ODAD2: variants seen among roughly 807,000 people sequenced by gnomAD.
ODAD2 encodes the protein outer dynein arm docking complex subunit 2, also known as outer dynein arm-docking complex subunit 2.
In ODAD2, 89 loss-of-function variants were observed where a neutral mutation model predicts 106.8. That is an observed-to-expected ratio of 0.83 (90% CI 0.70 to 0.99). The LOEUF is 0.99. ODAD2 is among the 50% of genes least tolerant of loss of function. The pLI is 0.00. For synonymous variants in ODAD2, 404 were observed against 436.2 expected (o/e 0.93, Z 0.92); for missense variants, 1,168 against 1,238.5 (o/e 0.94, Z 0.85).
chr10:27,903,529 A>G (rs1013924719), intron 17 of ODAD2, among the ~76,000 whole-genome samples: 3 of 120,704 alleles, frequency 2.5e-5, no homozygotes. Context: ...TGCAGATGGC[A>G]TGATTGTATA....
intron 16 of ODAD2, among the ~76,000 whole-genome samples, chr10:27,914,742 T>C (rs987332733): frequency 2.0e-5 from 3 of 152,024 alleles, no homozygotes; most frequent in Admixed American, 1.3e-4. Context: ...ACTTTATATA[T>C]GTATATAAAA....
chr10:27,908,519 AAACTT>A (rs886748015), intron 16 of ODAD2, among the ~76,000 whole-genome samples: 19 of 152,232 alleles, frequency 1.2e-4, no homozygotes, highest in Non-Finnish European at 2.4e-4. Flanking sequence ...AGGCCAAACA[AAACTT>A]AATAACCTTT....
chr10:27,966,766 C>A (rs1318515604), intron 9 of ODAD2, among the ~76,000 whole-genome samples: 1 of 152,150 alleles, frequency 6.6e-6, no homozygotes, highest in Admixed American at 6.5e-5. Context: ...TAAGCTAATT[C>A]ACTAAAAATT....
rs552984986 is a variant in ODAD2, at chr10:27,929,529, T to G, written c.2495+5481A>C. On this transcript the variant is annotated intron_variant, in intron 16 of 19. Coordinates refer to ENST00000305242, the MANE Select transcript of ODAD2 (RefSeq NM_018076.5). ...ATGAATTCAAAGGTTTCCACTGGTA[T>G]CTTTTAGCCATAGTTTTACTATTTT... Among the ~76,000 whole-genome samples, 30 of 152,322 alleles carry G rather than the reference T, an allele frequency of 2.0e-4. No individual in the cohort carries two copies. The South Asian group carries it at 5.8e-3, about 29-fold the overall frequency.
In ODAD2 at chr10:27,933,235, C is replaced by T. The variant is rs577942789; in HGVS notation, c.2495+1775G>A. On this transcript the variant is annotated intron_variant, in intron 16 of 19. Coordinates refer to ENST00000305242, the MANE Select transcript of ODAD2 (RefSeq NM_018076.5). ...ACTGTATTTCAGCCTGGGTGACAGC[C>T]TGAGTCCCTGTCTCTAAAAAACAAA... Among the ~76,000 whole-genome samples the T allele has an allele frequency of 2.6e-5, 4 of 152,158 alleles. No individual in the cohort carries two copies. In the East Asian group the frequency reaches 5.8e-4, roughly 22 times the overall value.
chr10:27,891,030 T>C (rs552925041), intron 17 of ODAD2, among the ~76,000 whole-genome samples: 11 of 152,322 alleles, frequency 7.2e-5, no homozygotes, highest in African/African-American at 2.6e-4. Context: ...CTTGTGTTTA[T>C]AGCAATATTC....
At chr10:27,965,306 A>C (rs527596889) in intron 9 of ODAD2, among the ~76,000 whole-genome samples, 29 of 152,346 alleles carry the variant, frequency 1.9e-4, no homozygotes, top group African/African-American at 6.3e-4. Flanking sequence ...CCCTGTGGTT[A>C]CACAGAGCCT....
chr10:27,881,952 G>A (rs930023977), intron 17 of ODAD2, among the ~76,000 whole-genome samples: 3 of 151,868 alleles, frequency 2.0e-5, no homozygotes, highest in African/African-American at 4.8e-5. Context: ...GATTGCTTGA[G>A]CCCAGAAGTT....
chr10:27,943,795 CAAAAAAAAAAAAAAA>C (rs56059926), intron 12 of ODAD2, among the ~76,000 whole-genome samples: 76 of 58,638 alleles, frequency 1.3e-3, no homozygotes, highest in African/African-American at 3.3e-3. Flanking sequence ...GGCTCTGTCT[CAAAAAAAAAAAAAAA>C]AAAAAAAAAA....
At chr10:27,839,656 G>A (rs1481750884) in intron 19 of ODAD2, among the ~76,000 whole-genome samples, 3 of 152,174 alleles carry the variant, frequency 2.0e-5, no homozygotes, top group African/African-American at 2.4e-5. Context: ...GTGAGCGCCA[G>A]AAAAACGCTG....
chr10:27,904,721 C>A lies in ODAD2; in HGVS notation c.2610+2942G>T, dbSNP rs191453532. Among the ~76,000 whole-genome samples, 312 of 152,276 alleles carry A rather than the reference C, an allele frequency of 2.0e-3. 2 individuals are homozygous for A. The highest frequency in any genetic ancestry group is 0.014 in the Middle Eastern group (4 of 294). On this transcript the variant is annotated intron_variant, in intron 17 of 19. Transcript: ENST00000305242. ...CCATTTTGTGCCAGTTTTTCCCTGG[C>A]TATTCCGACATGTTTATTTTCCATA...
At chr10:27,885,674 T>A (rs1276904190) in intron 17 of ODAD2, among the ~76,000 whole-genome samples, 1 of 15,948 alleles carries the variant, frequency 6.3e-5, no homozygotes, top group African/African-American at 1.1e-4. Context: ...ATATATAAAA[T>A]ATATATAATA....
intron 10 of ODAD2, among the ~76,000 whole-genome samples, chr10:27,960,313 CATTATTATTATTATT>C (rs72020123): frequency 0.036 from 5,032 of 138,660 alleles, 136 homozygotes; most frequent in African/African-American, 0.078. Context: ...TTATTTATTT[CATTATTATTATTATT>C]ATTATTATTA....
chr10:27,981,424 A>G lies in ODAD2; in HGVS notation c.936+42T>C, dbSNP rs747751106. The G allele has an allele frequency of 2.1e-6, 3 of 1,430,266 alleles. No individual in the cohort carries two copies. In the South Asian group the frequency reaches 5.0e-5, roughly 24 times the overall value. The allele number at this position is 1,430,266 out of a possible 1,614,324, so 88.6% of individuals were successfully genotyped here. On this transcript the variant is annotated intron_variant, in intron 7 of 19. Coordinates refer to ENST00000305242, the MANE Select transcript of ODAD2 (RefSeq NM_018076.5). ...GTACCATAGAAAGTTGTAGTTTAGT[A>G]ACATAATGCTATGAAAGCTCAAAAG...
chr10:27,932,504 C>T (rs561479035), intron 16 of ODAD2, among the ~76,000 whole-genome samples: 115 of 152,214 alleles, frequency 7.6e-4, no homozygotes, highest in South Asian at 5.4e-3. Flanking sequence ...TATAGTCTAT[C>T]GAGTGATACA....
intron 7 of ODAD2, among the ~76,000 whole-genome samples, chr10:27,974,127 T>A (rs1045341467): frequency 1.3e-5 from 2 of 152,214 alleles, no homozygotes; most frequent in Non-Finnish European, 2.9e-5. Context: ...TTTAGTGGGG[T>A]TGTTTGTTTT....
chr10:27,874,119 T>C (rs1841130885), intron 17 of ODAD2, among the ~76,000 whole-genome samples: 2 of 152,222 alleles, frequency 1.3e-5, no homozygotes, highest in Admixed American at 1.3e-4. Context: ...AATGGCCTTC[T>C]TTGTCTCTTT....
intron 16 of ODAD2, among the ~76,000 whole-genome samples, chr10:27,934,494 T>C (rs1020373477): frequency 6.6e-5 from 10 of 151,202 alleles, no homozygotes; most frequent in African/African-American, 2.4e-4. Flanking sequence ...TCTCTATATG[T>C]ATATTGTATC....
intron 17 of ODAD2, among the ~76,000 whole-genome samples, chr10:27,879,460 A>G (rs1184312167): frequency 6.6e-6 from 1 of 151,684 alleles, no homozygotes; most frequent in Non-Finnish European, 1.5e-5. Context: ...TTTAAAATGT[A>G]TATATATTTA....
Sources: gnomAD v4.1 joint callset for allele counts (sites outside exome capture counted in the v4.1 genomes callset) on GRCh38, gnomAD v4.1.1 for gene constraint, MANE v1.5 for transcripts, NCBI Gene and HGNC (gene_info 2026-07-23, HGNC 2026-07-21) for gene names.